The following COL4A5 variants were observed in gnomAD, a reference collection of about 807,000 sequenced individuals.
COL4A5 encodes the protein collagen alpha-5(IV) chain.
In COL4A5, 26 loss-of-function variants were observed where a neutral mutation model predicts 130.2. That is an observed-to-expected ratio of 0.20 (90% CI 0.15 to 0.28). The LOEUF (loss-of-function observed/expected upper bound fraction) is 0.28. COL4A5 is among the 10% of genes least tolerant of loss of function. COL4A5 has a pLI of 1.00. For missense variants in COL4A5, 1,131 were observed against 1,344.3 expected (o/e 0.84, Z 2.48); for synonymous variants, 496 against 439.6 (o/e 1.13, Z -1.60).
intron 2 of COL4A5, among the ~76,000 whole-genome samples, chrX:108,548,562 G>A (rs1435100368): frequency 2.7e-5 from 3 of 111,176 alleles, no homozygotes; most frequent in East Asian, 5.7e-4. Context: ...ATAAATTATG[G>A]GGCACTAAGA....
intron 40 of COL4A5, 116 bp from the exon 41 acceptor site, chrX:108,668,203 A>G: frequency 1.4e-6 from 1 of 692,264 alleles, no homozygotes; most frequent in South Asian, 2.5e-5. Context: ...TTGGTAGGAG[A>G]TAGAAATGAC....
chrX:108,536,611 T>C (rs2065461920), intron 1 of COL4A5, among the ~76,000 whole-genome samples: 2 of 111,703 alleles, frequency 1.8e-5, no homozygotes, highest in South Asian at 7.4e-4. Context: ...CAATTTTTCC[T>C]CTAGGTAGCT....
chrX:108,697,376 G>C lies in COL4A5; in HGVS notation c.*998G>C, dbSNP rs1292729319. The C allele has an allele frequency of 2.7e-5, 3 of 110,492 alleles. No homozygotes were observed. Among genetic ancestry groups the C allele is most frequent in the Non-Finnish European group, 5.7e-5 (3 of 52,944 alleles). 9.1% of individuals were successfully genotyped at this position (110,492 alleles called of 1,213,427 possible). ...AGAACTGGGAAACAACACTTGGTTA[G>C]TCTCTTTTAAGTTACAAAAAGCCAA... is the stretch of plus-strand genomic sequence containing the variant. On this transcript the variant is annotated 3_prime_UTR_variant, in exon 53 of 53. Coordinates refer to ENST00000328300, the MANE Select transcript of COL4A5 (RefSeq NM_033380.3).
chrX:108,574,301 C>G (rs1053329113), intron 9 of COL4A5, among the ~76,000 whole-genome samples: 2 of 111,678 alleles, frequency 1.8e-5, no homozygotes, highest in Non-Finnish European at 1.9e-5. Context: ...CTTGTCATTC[C>G]TTACTTGATA....
chrX:108,506,702 T>A (rs983522243), intron 1 of COL4A5, among the ~76,000 whole-genome samples: 1 of 111,208 alleles, frequency 9.0e-6, no homozygotes, highest in Non-Finnish European at 1.9e-5. Flanking sequence ...GCCTGGTTCC[T>A]AATGGTACGA....
intron 36 of COL4A5, among the ~76,000 whole-genome samples, chrX:108,630,498 G>A (rs2067235273): frequency 8.9e-6 from 1 of 111,831 alleles, no homozygotes. Flanking sequence ...ATTTTGATGG[G>A]GTTGTTTGAT....
At chrX:108,669,847 A>G (rs187762323) in intron 41 of COL4A5, among the ~76,000 whole-genome samples, 1 of 111,972 alleles carries the variant, frequency 8.9e-6, no homozygotes, top group East Asian at 2.8e-4. Flanking sequence ...AGAAGAATGC[A>G]CACCTGATGA....
intron 16 of COL4A5, among the ~76,000 whole-genome samples, chrX:108,581,423 G>T (rs1395646679): frequency 9.0e-6 from 1 of 111,551 alleles, no homozygotes; most frequent in African/African-American, 3.3e-5. Context: ...TAAAGTAAAA[G>T]GAACTATTTT....
intron 1 of COL4A5, among the ~76,000 whole-genome samples, chrX:108,534,057 TA>T (rs1428424674): frequency 1.9e-5 from 2 of 104,085 alleles, no homozygotes; most frequent in South Asian, 4.2e-4. Context: ...TTGGCAAGGA[TA>T]AAAAAAATAA....
chrX:108,519,494 T>C (rs939371111), intron 1 of COL4A5, among the ~76,000 whole-genome samples: 3 of 111,288 alleles, frequency 2.7e-5, no homozygotes, highest in African/African-American at 9.8e-5. Context: ...TTTATTAACT[T>C]CATGCTATGA....
chrX:108,477,815 CAA>C (rs749101117), intron 1 of COL4A5, among the ~76,000 whole-genome samples: 27 of 33,883 alleles, frequency 8.0e-4, no homozygotes, highest in South Asian at 1.7e-3. Context: ...GACTTTGTCT[CAA>C]AAAAAAAAAA....
At chrX:108,451,568 T>C (rs1234469355) in intron 1 of COL4A5, among the ~76,000 whole-genome samples, 3 of 110,839 alleles carry the variant, frequency 2.7e-5, no homozygotes, top group Non-Finnish European at 5.7e-5. Flanking sequence ...CTCATTGTGG[T>C]TTTGATTTGC....
At chrX:108,460,315 G>T (rs1336942790) in intron 1 of COL4A5, among the ~76,000 whole-genome samples, 1 of 111,592 alleles carries the variant, frequency 9.0e-6, no homozygotes, top group Non-Finnish European at 1.9e-5. Flanking sequence ...ATTTTTCTTA[G>T]ATGTGGGTAT....
At chrX:108,520,130 G>C (rs1208643374) in intron 1 of COL4A5, among the ~76,000 whole-genome samples, 1 of 110,715 alleles carries the variant, frequency 9.0e-6, no homozygotes, top group Admixed American at 9.6e-5. Flanking sequence ...TTTTCTTTCA[G>C]ACTCAGTTCT....
intron 25 of COL4A5, among the ~76,000 whole-genome samples, chrX:108,599,650 G>A (rs769311389): frequency 9.0e-6 from 1 of 111,668 alleles, no homozygotes; most frequent in African/African-American, 3.3e-5. Context: ...GCAAGAGTTG[G>A]CACACTACAG....
At chrX:108,689,529 C>T in intron 49 of COL4A5, 17 of 754,187 alleles carry the variant, frequency 2.3e-5, no homozygotes, top group Non-Finnish European at 2.7e-5. Context: ...GACTCTGGTA[C>T]AGTTTAGGCC....
chrX:108,608,910 G>A (rs1273390334), intron 29 of COL4A5, among the ~76,000 whole-genome samples: 3 of 111,325 alleles, frequency 2.7e-5, no homozygotes, highest in African/African-American at 6.5e-5. Context: ...GGAAACATAC[G>A]GTATGTACTT....
chrX:108,525,542 T>C (rs1445083696), intron 1 of COL4A5, among the ~76,000 whole-genome samples: 1 of 111,877 alleles, frequency 8.9e-6, no homozygotes, highest in East Asian at 2.8e-4. Flanking sequence ...TCTATGTATC[T>C]CATGGTTTTT....
chrX:108,676,910 T>C (rs1302364120), intron 43 of COL4A5: 1 of 112,334 alleles, frequency 8.9e-6, no homozygotes, highest in Non-Finnish European at 1.9e-5. Flanking sequence ...ATGCAAATTA[T>C]TGGGCCTCTC....
Sources: gnomAD v4.1 joint callset for allele counts (sites outside exome capture counted in the v4.1 genomes callset) on GRCh38, gnomAD v4.1.1 for gene constraint, MANE v1.5 for transcripts, NCBI Gene and HGNC (gene_info 2026-07-23, HGNC 2026-07-21) for gene names.